Variants in ABLIM2 observed in about 807,000 individuals in gnomAD.
ABLIM2 encodes the protein actin binding LIM protein family member 2.
A neutral mutation model predicts 97.7 loss-of-function variants in ABLIM2; 53 were observed. The observed-to-expected ratio is 0.54, with a 90% CI of 0.44 to 0.68. ABLIM2 has a LOEUF of 0.68. Ranked by LOEUF, ABLIM2 falls within the 30% of genes least tolerant of loss-of-function variation. The pLI, the probability that ABLIM2 is intolerant of heterozygous loss-of-function variation, is 0.00. For missense variants in ABLIM2, 835 were observed against 867.2 expected, an observed-to-expected ratio of 0.96 and a Z score of 0.47; for synonymous variants, 361 against 345.8, an observed-to-expected ratio of 1.04 and a Z score of -0.49.
chr4:8,052,510 G>A (rs192047273), intron 8 of ABLIM2, among the ~76,000 whole-genome samples: 3 of 152,238 alleles, frequency 2.0e-5, no homozygotes, highest in Admixed American at 6.5e-5. Flanking sequence ...ATTTCATCGC[G>A]TGACTCTTCT....
chr4:8,157,207 G>A (rs139325409), intron 1 of ABLIM2, among the ~76,000 whole-genome samples: 5,090 of 151,010 alleles, frequency 0.034, 134 homozygotes, highest in African/African-American at 0.073. Context: ...ACCCCTTCTC[G>A]TCAGATGCAG....
chr4:8,071,703 C>T lies in ABLIM2; in HGVS notation c.675+5925G>A. The T allele has an allele frequency of 1.1e-6, 1 of 933,838 alleles. No homozygotes were observed. The highest frequency in any genetic ancestry group is 1.3e-6 in the Non-Finnish European group (1 of 782,882). 57.8% of individuals were successfully genotyped at this position (933,838 alleles called of 1,614,324 possible). A position where few individuals can be genotyped will look rare whatever the true frequency, so the allele number is the denominator to read the frequency against. On this transcript the variant is annotated intron_variant, in intron 6 of 20. Transcript: ENST00000447017. The surrounding 1 kb of genome is among the most constrained non-coding windows in gnomAD (Gnocchi z 6.2). ...GCTCTGTCCCCAAAAACCCACCCAC[C>T]CGCAGCCCCTCCTGGCCCCTGTGAG...
rs1186714888 is a variant in ABLIM2, at chr4:7,996,898, T to A, written c.1619-3971A>T. Among the ~76,000 whole-genome samples, 1 of 152,170 alleles carries A rather than the reference T, an allele frequency of 6.6e-6. No homozygotes were observed. Among genetic ancestry groups the A allele is most frequent in the Non-Finnish European group, 1.5e-5 (1 of 68,020 alleles). On this transcript the variant is annotated intron_variant, in intron 16 of 20. Transcript: ENST00000447017. The surrounding 1 kb of genome is among the most constrained non-coding windows in gnomAD (Gnocchi z 4.5). ...TTCCCCTCTGTTTTTTCTCTCTGGTTGCTTTCAACATTTTTTTCTTTGTCC... is the reference window on the plus strand; with the variant it reads ...TTCCCCTCTGTTTTTTCTCTCTGGTAGCTTTCAACATTTTTTTCTTTGTCC...
intron 1 of ABLIM2, among the ~76,000 whole-genome samples, chr4:8,138,231 A>G (rs4422405): frequency 0.27 from 40,334 of 152,120 alleles, 7,088 homozygotes; most frequent in African/African-American, 0.5. Context: ...TTCTATGGAT[A>G]GACAGTGATG....
intron 12 of ABLIM2, chr4:8,020,846 C>CT (rs34799650): frequency 0.055 from 5,190 of 94,576 alleles, 8 homozygotes; most frequent in African/African-American, 0.066. Context: ...TTACCACATT[C>CT]TTTTTTTTTT....
chr4:8,039,849 A>C (rs1786999192), intron 9 of ABLIM2, among the ~76,000 whole-genome samples: 2 of 146,440 alleles, frequency 1.4e-5, no homozygotes, highest in Non-Finnish European at 3.0e-5. Flanking sequence ...TAAATGCTTT[A>C]ATTTCCTCTG....
chr4:8,065,352 T>A (rs1806336157), intron 6 of ABLIM2, among the ~76,000 whole-genome samples: 1 of 152,184 alleles, frequency 6.6e-6, no homozygotes, highest in Non-Finnish European at 1.5e-5. Flanking sequence ...ATGCTCAACA[T>A]CCTTGTCATT....
chr4:8,097,333 C>A, intron 2 of ABLIM2, 51 bp from the exon 3 acceptor site: 3 of 1,542,884 alleles, frequency 1.9e-6, no homozygotes, highest in Non-Finnish European at 2.6e-6. Flanking sequence ...ACCATCTCCA[C>A]GTCCCCCAGG....
chr4:8,117,285 G>A (rs974994182), intron 1 of ABLIM2, among the ~76,000 whole-genome samples: 7 of 152,190 alleles, frequency 4.6e-5, no homozygotes, highest in African/African-American at 1.7e-4. Context: ...GCCCAAGTCT[G>A]CCTTTCTTCA....
rs1311407436 is a variant in ABLIM2 at position 8,046,058 on chromosome 4, G to A, written c.823-817C>T. ...AGAAATGGCCCTTCGGAGCCCCCTG[G>A]CAGCCACTCTCCCAACTGCACCTGT... On this transcript the variant is annotated intron_variant, in intron 8 of 20. Transcript: ENST00000447017. The surrounding 1 kb of genome is among the most constrained non-coding windows in gnomAD (Gnocchi z 4.4). 6.6e-6 allele frequency among the ~76,000 whole-genome samples: 1 copy of A among 152,082 alleles called. No individual in the cohort carries two copies. Among genetic ancestry groups the A allele is most frequent in the African/African-American group, 2.4e-5 (1 of 41,402 alleles).
rs935161297 is a variant in ABLIM2, at chr4:7,998,138, G to A, written c.1619-5211C>T. 1.1e-4 allele frequency among the ~76,000 whole-genome samples: 17 copies of A among 151,936 alleles called. No homozygotes were observed. Among genetic ancestry groups the A allele is most frequent in the Admixed American group, 5.9e-4 (9 of 15,246 alleles). The stretch of plus-strand genomic sequence containing the variant: ...TCAGGTGATCTGATCCGTCCTCCTC[G>A]GCCTCCCAAAGTGCTGGGATTACAG... On this transcript the variant is annotated intron_variant, in intron 16 of 20. Coordinates refer to ENST00000447017, the MANE Select transcript of ABLIM2 (RefSeq NM_001130083.2). This position sits in a 1 kb window ranked among gnomAD's most constrained non-coding sequence, Gnocchi z 6.4.
At chr4:8,070,901 C>A (rs796880146) in intron 6 of ABLIM2, among the ~76,000 whole-genome samples, 26 of 152,216 alleles carry the variant, frequency 1.7e-4, no homozygotes, top group African/African-American at 6.0e-4. Flanking sequence ...ACAGACTGCA[C>A]GAGGCACACC....
intron 1 of ABLIM2, among the ~76,000 whole-genome samples, chr4:8,115,817 C>T (rs1246846849): frequency 6.6e-6 from 1 of 152,226 alleles, no homozygotes; most frequent in Non-Finnish European, 1.5e-5. Context: ...ACAGAAAAGA[C>T]ACCAGGCAGC....
intron 14 of ABLIM2, among the ~76,000 whole-genome samples, chr4:8,011,428 G>C (rs1764875121): frequency 6.6e-6 from 1 of 152,222 alleles, no homozygotes; most frequent in Non-Finnish European, 1.5e-5. Context: ...GAAAAGACAG[G>C]AAACTGGCAC....
intron 17 of ABLIM2, chr4:7,989,396 A>G: frequency 2.0e-6 from 2 of 985,222 alleles, no homozygotes; most frequent in Non-Finnish European, 2.4e-6. Context: ...TTTTATTTCA[A>G]AAGAGTCATA....
intron 17 of ABLIM2, among the ~76,000 whole-genome samples, chr4:7,991,124 G>C: frequency 6.6e-6 from 1 of 152,232 alleles, no homozygotes; most frequent in Non-Finnish European, 1.5e-5. Context: ...AGTTCTAGGA[G>C]AGGGAGTGAG....
intron 1 of ABLIM2, among the ~76,000 whole-genome samples, chr4:8,143,472 T>C (rs1170701958): frequency 2.0e-5 from 3 of 151,972 alleles, no homozygotes; most frequent in African/African-American, 4.8e-5. Flanking sequence ...ATGAAATTCC[T>C]CAAACACATA....
At position 8,046,975 on chromosome 4, in the gene ABLIM2, C is replaced by T. The variant is rs1792883878; in HGVS notation, c.823-1734G>A. ...TGTGGGAAGGTGGGTTTCTGCTGTGCAGGCCACCCAGGCCGGGTGCCTTTA... is the reference window on the plus strand; with the variant it reads ...TGTGGGAAGGTGGGTTTCTGCTGTGTAGGCCACCCAGGCCGGGTGCCTTTA... On this transcript the variant is annotated intron_variant, in intron 8 of 20. Coordinates refer to ENST00000447017, the MANE Select transcript of ABLIM2 (RefSeq NM_001130083.2). This position sits in a 1 kb window ranked among gnomAD's most constrained non-coding sequence, Gnocchi z 4.4. Among the ~76,000 whole-genome samples, 1 of 152,196 alleles carries T rather than the reference C, an allele frequency of 6.6e-6. No individual in the cohort carries two copies. The highest frequency in any genetic ancestry group is 6.5e-5 in the Admixed American group (1 of 15,284).
chr4:8,049,033 T>C (rs918268211), intron 8 of ABLIM2, among the ~76,000 whole-genome samples: 1 of 152,108 alleles, frequency 6.6e-6, no homozygotes, highest in African/African-American at 2.4e-5. Flanking sequence ...GACTGGACCA[T>C]CAGCCGCAGC....
Sources: allele counts gnomAD v4.1 joint callset (sites outside exome capture counted in the v4.1 genomes callset), GRCh38; gene constraint gnomAD v4.1.1; non-coding constraint Gnocchi (gnomAD v3.1); transcripts MANE v1.5; gene names NCBI Gene and HGNC (gene_info 2026-07-23, HGNC 2026-07-21).